Variants in TRPC3 observed in about 807,000 individuals in gnomAD.
TRPC3 encodes the protein transient receptor potential cation channel subfamily C member 3.
TRPC3 carries 54 observed loss-of-function variants against 90.9 expected under a neutral mutation model. The ratio of observed to expected loss-of-function variants is 0.59; its 90% CI spans 0.48 to 0.75. The LOEUF is 0.75. Ranked by LOEUF, TRPC3 falls within the 30% of genes least tolerant of loss-of-function variation. The pLI is 0.00. For missense variants in TRPC3, 918 were observed against 1,194.5 expected (o/e 0.77, Z 3.41); for synonymous variants, 424 against 450.9 (o/e 0.94, Z 0.75).
At chr4:121,904,111 A>G (rs1441418045) in intron 8 of TRPC3, among the ~76,000 whole-genome samples, 1 of 152,160 alleles carries the variant, frequency 6.6e-6, no homozygotes, top group African/African-American at 2.4e-5. Context: ...GCAGCAGTAA[A>G]TTCATGGGGA....
intron 9 of TRPC3, among the ~76,000 whole-genome samples, chr4:121,900,449 C>T (rs1728663358): frequency 6.6e-6 from 1 of 152,164 alleles, no homozygotes; most frequent in Non-Finnish European, 1.5e-5. Flanking sequence ...ACCATTATAA[C>T]TCAGGAAGGT....
chr4:121,880,329 A>G (rs1034035595), intron 11 of TRPC3, among the ~76,000 whole-genome samples: 1 of 152,208 alleles, frequency 6.6e-6, no homozygotes, highest in Admixed American at 6.5e-5. Context: ...TCTGACAGGC[A>G]AATAATTTCA....
chr4:121,930,702 T>A, intron 2 of TRPC3: 1 of 283,342 alleles, frequency 3.5e-6, no homozygotes, highest in South Asian at 3.0e-5. Context: ...TAGTGGCAAA[T>A]AAATATGTTT....
At chr4:121,880,865 T>C (rs1727917655) in intron 11 of TRPC3, among the ~76,000 whole-genome samples, 1 of 152,034 alleles carries the variant, frequency 6.6e-6, no homozygotes, top group Non-Finnish European at 1.5e-5. Flanking sequence ...ATAATTTCAA[T>C]ATTCTTCTAT....
At chr4:121,888,721 G>T (rs995734723) in intron 10 of TRPC3, among the ~76,000 whole-genome samples, 1 of 151,912 alleles carries the variant, frequency 6.6e-6, no homozygotes, top group Non-Finnish European at 1.5e-5. Flanking sequence ...AGTTTTAAAG[G>T]TAAGTCTTAC....
At chr4:121,886,536 C>T (rs955856629) in intron 10 of TRPC3, among the ~76,000 whole-genome samples, 1 of 152,170 alleles carries the variant, frequency 6.6e-6, no homozygotes, top group Non-Finnish European at 1.5e-5. Context: ...TTTTTCCAGA[C>T]AGCTGGTTTA....
chr4:121,901,176 C>T (rs1166682911), intron 9 of TRPC3, among the ~76,000 whole-genome samples: 1 of 152,176 alleles, frequency 6.6e-6, no homozygotes, highest in East Asian at 1.9e-4. Context: ...AGCTCCCACA[C>T]TTGAGAGACT....
rs143764748 is a variant in TRPC3, at chr4:121,935,320, A to G, written c.216-2278T>C. 2.1e-3 allele frequency among the ~76,000 whole-genome samples: 326 copies of G among 152,078 alleles called. 2 individuals carry two copies. The highest frequency in any genetic ancestry group is 7.4e-3 in the African/African-American group (308 of 41,488). ...TGTGCTGTGTTTGGCTGTTATGAGT[A>G]GGGTATGATGTGTAGGGGAGAGTGT... On this transcript the variant is annotated intron_variant, in intron 1 of 11. Coordinates refer to ENST00000379645, the MANE Select transcript of TRPC3 (RefSeq NM_001130698.2).
intron 1 of TRPC3, among the ~76,000 whole-genome samples, chr4:121,943,123 A>G (rs771278352): frequency 6.6e-6 from 1 of 152,140 alleles, no homozygotes; most frequent in Non-Finnish European, 1.5e-5. Flanking sequence ...TATTGGAGGG[A>G]TGGGTGCCCA....
intron 4 of TRPC3, among the ~76,000 whole-genome samples, chr4:121,913,684 T>C (rs1289698203): frequency 6.6e-6 from 1 of 152,200 alleles, no homozygotes; most frequent in Non-Finnish European, 1.5e-5. Context: ...TTATTTATAG[T>C]TTTTCATCTT....
In TRPC3 at chr4:121,951,442, G is replaced by T; in HGVS notation, c.215+24C>A. ...CCCGGCACCGCCCTCCGAGGCGCGG[G>T]CCGCGGCCGGGCCCGGTACTCACAG... On this transcript the variant is annotated intron_variant, in intron 1 of 11. Transcript: ENST00000379645. The surrounding 1 kb of genome is among the most constrained non-coding windows in gnomAD (Gnocchi z 4.4). The T allele has an allele frequency of 2.5e-6, 3 of 1,192,158 alleles. No homozygotes were observed. The highest frequency in any genetic ancestry group is 3.1e-6 in the Non-Finnish European group (3 of 961,822). 73.8% of individuals were successfully genotyped at this position (1,192,158 alleles called of 1,614,324 possible).
chr4:121,897,201 T>C (rs1384901773), intron 10 of TRPC3, among the ~76,000 whole-genome samples: 5 of 151,368 alleles, frequency 3.3e-5, no homozygotes, highest in Non-Finnish European at 3.0e-5. Context: ...GAAAAAAACA[T>C]AGGAGAAATG....
intron 10 of TRPC3, among the ~76,000 whole-genome samples, chr4:121,897,184 A>G (rs1728544813): frequency 1.3e-5 from 2 of 151,816 alleles, no homozygotes; most frequent in African/African-American, 2.4e-5. Context: ...AAATGATAAA[A>G]CTAGTAGAAA....
chr4:121,932,532 G>A lies in TRPC3; in HGVS notation c.726C>T (p.His242=). ...PDITPIILAA[H]CQKYEVVHML... is the part of the protein sequence containing the mutation. ...TGTGCACCACTTCGTATTTCTGGCA[G>A]TGCGCCGCCAGGATGATGGGGGTGA... The change falls in exon 2 of 12, where the codon CAC becomes CAT. Residue 242 remains histidine (H), a synonymous_variant. Transcript: ENST00000379645. This position sits in a 1 kb window ranked among gnomAD's most constrained non-coding sequence, Gnocchi z 7.7. The A allele has an allele frequency of 3.7e-6, 6 of 1,614,224 alleles. No individual in the cohort carries two copies. Among genetic ancestry groups the A allele is most frequent in the Non-Finnish European group, 5.1e-6 (6 of 1,180,038 alleles).
At chr4:121,938,907 C>T (rs561675091) in intron 1 of TRPC3, among the ~76,000 whole-genome samples, 3 of 152,168 alleles carry the variant, frequency 2.0e-5, no homozygotes, top group East Asian at 1.9e-4. Flanking sequence ...TTTCATCAGT[C>T]GAGACTCGTC....
At chr4:121,909,508 T>C (rs1444169209) in intron 6 of TRPC3, among the ~76,000 whole-genome samples, 1 of 152,092 alleles carries the variant, frequency 6.6e-6, no homozygotes, top group Non-Finnish European at 1.5e-5. Flanking sequence ...TTACTTACCA[T>C]TGGTTTGTAC....
At position 121,877,909 on chromosome 4, in the gene TRPC3, T is replaced by A. The variant is rs899517460; in HGVS notation, c.*1827A>T. On this transcript the variant is annotated 3_prime_UTR_variant, in exon 12 of 12. Transcript: ENST00000379645. Reference sequence around the variant, plus strand: ...AATGTCCCCAGCTGAATCTGCCACTTTTTCATTCAACATTTTTTCCAACCG... The same window carrying A: ...AATGTCCCCAGCTGAATCTGCCACTATTTCATTCAACATTTTTTCCAACCG... 3.3e-5 allele frequency among the ~76,000 whole-genome samples: 5 copies of A among 152,224 alleles called. No homozygotes were observed. Among genetic ancestry groups the A allele is most frequent in the Admixed American group, 3.3e-4 (5 of 15,296 alleles).
intron 1 of TRPC3, chr4:121,950,459 T>G (rs1324390314): frequency 6.6e-6 from 1 of 152,310 alleles, no homozygotes; most frequent in Non-Finnish European, 1.5e-5. Context: ...TACCTAGTTC[T>G]GAGCGTTCTT....
At chr4:121,918,551 T>A (rs1241672109) in intron 3 of TRPC3, among the ~76,000 whole-genome samples, 2 of 152,336 alleles carry the variant, frequency 1.3e-5, no homozygotes, top group Non-Finnish European at 2.9e-5. Flanking sequence ...ATCTTTGACT[T>A]GATGTAACCT....
Sources: gnomAD v4.1 joint callset for allele counts (sites outside exome capture counted in the v4.1 genomes callset) on GRCh38, gnomAD v4.1.1 for gene constraint, Gnocchi (gnomAD v3.1) non-coding constraint, MANE v1.5 for transcripts, NCBI Gene and HGNC (gene_info 2026-07-23, HGNC 2026-07-21) for gene names.